MACROD2: variants seen among roughly 807,000 people sequenced by gnomAD.
MACROD2 encodes ADP-ribose glycohydrolase MACROD2.
A neutral mutation model predicts 70.4 loss-of-function variants in MACROD2; 36 were observed. That is an observed-to-expected ratio of 0.51 (90% confidence interval 0.39 to 0.68). MACROD2 has a LOEUF of 0.68. Ranked by LOEUF, MACROD2 falls within the 30% of genes least tolerant of loss-of-function variation. MACROD2 has a pLI of 0.00. For synonymous variants in MACROD2, 172 were observed against 178.8 expected, an observed-to-expected ratio of 0.96 and a Z score of 0.30; for missense variants, 496 against 538.4, an observed-to-expected ratio of 0.92 and a Z score of 0.78.
intron 3 of MACROD2, among the ~76,000 whole-genome samples, chr20:14,116,989 C>A (rs963962026): frequency 1.3e-5 from 2 of 151,082 alleles, no homozygotes; most frequent in Admixed American, 1.3e-4. Flanking sequence ...ATCGCTTGAA[C>A]CCGGGAGGCA....
At chr20:14,671,216 G>T (rs1368093832) in intron 4 of MACROD2, among the ~76,000 whole-genome samples, 1 of 152,070 alleles carries the variant, frequency 6.6e-6, no homozygotes, top group African/African-American at 2.4e-5. Context: ...TTTAAATTGG[G>T]ATCATGCGTA....
chr20:14,550,301 C>T (rs985815805), intron 4 of MACROD2, among the ~76,000 whole-genome samples: 15 of 152,078 alleles, frequency 9.9e-5, no homozygotes, highest in African/African-American at 3.6e-4. Context: ...CTGTCCCTTC[C>T]TTCCCTTCCC....
intron 3 of MACROD2, among the ~76,000 whole-genome samples, chr20:14,152,824 G>T (rs1248265815): frequency 6.6e-6 from 1 of 152,094 alleles, no homozygotes; most frequent in African/African-American, 2.4e-5. Flanking sequence ...CAACTCTTGT[G>T]TTTCTGTTGG....
intron 8 of MACROD2, among the ~76,000 whole-genome samples, chr20:15,709,669 A>G (rs555337574): frequency 6.6e-6 from 1 of 152,292 alleles, no homozygotes; most frequent in African/African-American, 2.4e-5. Flanking sequence ...CTCATTTCCA[A>G]AAGAAAAAAC....
chr20:15,464,234 T>G (rs2146420587), intron 7 of MACROD2, among the ~76,000 whole-genome samples: 1 of 152,308 alleles, frequency 6.6e-6, no homozygotes, highest in South Asian at 2.1e-4. Context: ...CAGGCTAGTC[T>G]TGAGCTCCTG....
intron 4 of MACROD2, among the ~76,000 whole-genome samples, chr20:14,608,635 C>G (rs1982963664): frequency 6.6e-6 from 1 of 152,108 alleles, no homozygotes; most frequent in Non-Finnish European, 1.5e-5. Context: ...GTGGATGAAA[C>G]AGTAAGGTCC....
chr20:14,989,521 A>G (rs1389224855), intron 5 of MACROD2, among the ~76,000 whole-genome samples: 51 of 152,288 alleles, frequency 3.3e-4, no homozygotes, highest in Non-Finnish European at 1.5e-5. Context: ...CTCAAGAGAG[A>G]GTCAGGTGCA....
At chr20:14,227,115 ATACTCTGTATCTAGC>A (rs1348166507) in intron 3 of MACROD2, among the ~76,000 whole-genome samples, 1 of 152,182 alleles carries the variant, frequency 6.6e-6, no homozygotes, top group Admixed American at 6.5e-5. Context: ...GCACCAATCT[ATACTCTGTATCTAGC>A]TACTCTGGTG....
chr20:14,131,773 G>A (rs1031378927), intron 3 of MACROD2, among the ~76,000 whole-genome samples: 4 of 152,024 alleles, frequency 2.6e-5, no homozygotes, highest in African/African-American at 4.8e-5. Flanking sequence ...CTGTCACTCA[G>A]GTTGGAATAC....
chr20:14,893,046 A>G (rs1214776383), intron 5 of MACROD2: 15 of 152,190 alleles, frequency 9.9e-5, no homozygotes, highest in Admixed American at 9.2e-4. Context: ...GAATTATACA[A>G]TAGTTACCTT....
chr20:15,874,539 A>G (rs2064639341), intron 9 of MACROD2, among the ~76,000 whole-genome samples: 1 of 152,110 alleles, frequency 6.6e-6, no homozygotes. Flanking sequence ...CAACAGTGTA[A>G]AAGCGTTCCT....
At chr20:14,766,685 A>G (rs552278602) in intron 5 of MACROD2, among the ~76,000 whole-genome samples, 2 of 152,266 alleles carry the variant, frequency 1.3e-5, no homozygotes, top group African/African-American at 4.8e-5. Flanking sequence ...ATTCAAAATG[A>G]CTGTGCTCCA....
intron 5 of MACROD2, among the ~76,000 whole-genome samples, chr20:15,112,065 ATTG>A (rs1319640836): frequency 6.6e-6 from 1 of 152,124 alleles, no homozygotes; most frequent in Non-Finnish European, 1.5e-5. Context: ...CCACCCCTCT[ATTG>A]TTCTCTGGGT....
chr20:15,940,413 T>TA (rs1199876407), intron 12 of MACROD2, among the ~76,000 whole-genome samples: 3 of 152,182 alleles, frequency 2.0e-5, no homozygotes, highest in African/African-American at 7.2e-5. Flanking sequence ...AATTTTAAGA[T>TA]AATTTCTACT....
intron 8 of MACROD2, among the ~76,000 whole-genome samples, chr20:15,657,719 G>T (rs151087422): frequency 6.6e-6 from 1 of 152,182 alleles, no homozygotes; most frequent in Non-Finnish European, 1.5e-5. Flanking sequence ...CAGGCTGGGC[G>T]TGGTGGCTCA....
chr20:14,763,444 G>A (rs2072043437), intron 5 of MACROD2, among the ~76,000 whole-genome samples: 1 of 152,074 alleles, frequency 6.6e-6, no homozygotes, highest in Non-Finnish European at 1.5e-5. Flanking sequence ...TTTTAGAAAA[G>A]TTTCTCTCTG....
chr20:15,658,694 ATTTCCAAAGAAACTTTCT>A (rs2049770978), intron 8 of MACROD2, among the ~76,000 whole-genome samples: 2 of 152,130 alleles, frequency 1.3e-5, no homozygotes, highest in South Asian at 4.1e-4. Flanking sequence ...ACATGATCTG[ATTTCCAAAGAAACTTTCT>A]TTTCCAGATG....
chr20:14,542,722 AAAG>A (rs2085449154), intron 4 of MACROD2, among the ~76,000 whole-genome samples: 1 of 152,214 alleles, frequency 6.6e-6, no homozygotes, highest in South Asian at 2.1e-4. Flanking sequence ...ATATGTGATA[AAAG>A]AAGCACAATA....
chr20:15,395,734 T>C (rs906451738), intron 6 of MACROD2, among the ~76,000 whole-genome samples: 1 of 152,230 alleles, frequency 6.6e-6, no homozygotes, highest in East Asian at 1.9e-4. Context: ...CACAGATGAA[T>C]AGAACTTTGT....
Sources: gnomAD v4.1 joint callset for allele counts (sites outside exome capture counted in the v4.1 genomes callset) on GRCh38, gnomAD v4.1.1 for gene constraint, MANE v1.5 for transcripts, NCBI Gene and HGNC (gene_info 2026-07-23, HGNC 2026-07-21) for gene names.